TEX10: variants seen among roughly 807,000 people sequenced by gnomAD.
TEX10 encodes testis-expressed protein 10.
A neutral mutation model predicts 104.4 loss-of-function variants in TEX10; 24 were observed. That is an observed-to-expected ratio of 0.23 (90% confidence interval 0.17 to 0.32). TEX10 has a LOEUF of 0.32. Among genes scored for constraint, TEX10 ranks in the 10% least tolerant of loss-of-function variants. The pLI is 1.00. For missense variants in TEX10, 921 were observed against 1,083.9 expected, an observed-to-expected ratio of 0.85 and a Z score of 2.11; for synonymous variants, 396 against 393.4, an observed-to-expected ratio of 1.01 and a Z score of -0.08.
At chr9:100,342,010 C>A (rs1835186267) in intron 4 of TEX10, among the ~76,000 whole-genome samples, 2 of 152,208 alleles carry the variant, frequency 1.3e-5, no homozygotes, top group Non-Finnish European at 2.9e-5. Context: ...CCCACATGAT[C>A]TGGCCACTAT....
At chr9:100,315,442 A>G (rs1321710753) in intron 11 of TEX10, among the ~76,000 whole-genome samples, 1 of 152,138 alleles carries the variant, frequency 6.6e-6, no homozygotes, top group Non-Finnish European at 1.5e-5. Flanking sequence ...TGTTGGGTGC[A>G]TATATACTTA....
rs1216141343 is a variant in TEX10 at position 100,327,834 on chromosome 9, T to C, written c.1754A>G (p.Asn585Ser). 2 of 1,598,450 alleles carry C rather than the reference T, an allele frequency of 1.3e-6. No individual in the cohort carries two copies. The highest frequency in any genetic ancestry group is 2.2e-5 in the East Asian group (1 of 44,724). Residue 585 changes from asparagine (N) to serine (S), a missense_variant, in exon 8 of 15, where the codon AAT (asparagine) becomes AGT (serine). Coordinates refer to ENST00000374902, the MANE Select transcript of TEX10 (RefSeq NM_017746.4). ...DIIHTAAARA[N>S]KELLKSLQAT... ...TTGTAAACTTTTTAGTAATTCTTTATTTGCTCGTGCTGCAGCGGTATGAAT... is the reference window on the plus strand; with the variant it reads ...TTGTAAACTTTTTAGTAATTCTTTACTTGCTCGTGCTGCAGCGGTATGAAT...
chr9:100,330,750 T>A (rs1229308641), intron 5 of TEX10, among the ~76,000 whole-genome samples: 1 of 152,228 alleles, frequency 6.6e-6, no homozygotes, highest in African/African-American at 2.4e-5. Flanking sequence ...AAACAAAATT[T>A]GCAACTTAGA....
chr9:100,320,765 T>C (rs1157887955), intron 10 of TEX10, among the ~76,000 whole-genome samples: 1 of 152,238 alleles, frequency 6.6e-6, no homozygotes, highest in Non-Finnish European at 1.5e-5. Context: ...CCTACATATA[T>C]ATCAAATGCT....
chr9:100,329,727 G>A (rs1834805571), intron 6 of TEX10, among the ~76,000 whole-genome samples: 1 of 151,994 alleles, frequency 6.6e-6, no homozygotes, highest in African/African-American at 2.4e-5. Context: ...TTATCAATCT[G>A]CTTCAGAGTG....
chr9:100,332,544 G>A (rs750740657), intron 5 of TEX10, among the ~76,000 whole-genome samples: 1 of 152,136 alleles, frequency 6.6e-6, no homozygotes, highest in Admixed American at 6.5e-5. Context: ...AAAACAGGCC[G>A]GGCGCAGTGG....
intron 11 of TEX10, among the ~76,000 whole-genome samples, chr9:100,315,490 C>A (rs1834393521): frequency 6.6e-6 from 1 of 152,050 alleles, no homozygotes; most frequent in Non-Finnish European, 1.5e-5. Context: ...ATTGTTATAT[C>A]CTCTTGCTGA....
chr9:100,333,574 G>A (rs1455720099), intron 5 of TEX10, among the ~76,000 whole-genome samples: 1 of 149,822 alleles, frequency 6.7e-6, no homozygotes, highest in Non-Finnish European at 1.5e-5. Flanking sequence ...GGGAGGCTAA[G>A]GCGGGAGGAT....
At chr9:100,333,854 A>G (rs1834937708) in intron 5 of TEX10, among the ~76,000 whole-genome samples, 1 of 152,234 alleles carries the variant, frequency 6.6e-6, no homozygotes, top group Non-Finnish European at 1.5e-5. Context: ...AGCAAAGGAA[A>G]TTTAATGGAT....
intron 14 of TEX10, among the ~76,000 whole-genome samples, chr9:100,302,809 G>GA (rs1331270404): frequency 6.6e-6 from 1 of 151,978 alleles, no homozygotes; most frequent in African/African-American, 2.4e-5. Context: ...AAAGGCTACT[G>GA]AAAAAATACT....
Position 100,346,747 on chromosome 9 carries a change from C to A in TEX10, c.840G>T (p.Gln280His). ...GCTGTGAACCCCCATTTTCATAAACCTGGATGTGTTGCTGGTCGTTGGCAT... is the reference window on the plus strand; with the variant it reads ...GCTGTGAACCCCCATTTTCATAAACATGGATGTGTTGCTGGTCGTTGGCAT... ...KEHANDQQHI[Q>H]VYENGGSQPN... The change falls in exon 3 of 15, where the codon CAG becomes CAT. Residue 280 changes from glutamine to histidine, a missense_variant. Gln to His is a conservative substitution (Grantham distance 24). Coordinates refer to ENST00000374902, the MANE Select transcript of TEX10 (RefSeq NM_017746.4). The A allele has an allele frequency of 1.2e-6, 2 of 1,614,124 alleles. No homozygotes were observed. Among genetic ancestry groups the A allele is most frequent in the Non-Finnish European group, 1.7e-6 (2 of 1,179,990 alleles).
At chr9:100,345,745 C>T (rs1835284821) in intron 4 of TEX10, among the ~76,000 whole-genome samples, 1 of 152,110 alleles carries the variant, frequency 6.6e-6, no homozygotes, top group African/African-American at 2.4e-5. Context: ...TTGTAAGAGA[C>T]CTTTCAGAAA....
At chr9:100,311,484 T>A (rs10989051) in intron 11 of TEX10, among the ~76,000 whole-genome samples, 1 of 152,094 alleles carries the variant, frequency 6.6e-6, no homozygotes, top group Admixed American at 6.5e-5. Flanking sequence ...AGTGAGGGCA[T>A]ACTGTATTTC....
intron 11 of TEX10, among the ~76,000 whole-genome samples, 180 bp from the exon 12 acceptor site, chr9:100,310,559 T>C (rs1316543873): frequency 6.6e-6 from 1 of 151,798 alleles, no homozygotes; most frequent in Non-Finnish European, 1.5e-5. Context: ...GGCCTCAGCC[T>C]CCCCAGTAGC....
intron 11 of TEX10, among the ~76,000 whole-genome samples, chr9:100,313,541 A>G (rs1288922819): frequency 7.3e-5 from 11 of 151,402 alleles, no homozygotes; most frequent in South Asian, 2.1e-4. Flanking sequence ...AAAGAAAAAG[A>G]AAAAAATTTA....
At position 100,304,078 on chromosome 9, in the gene TEX10, ACTG is replaced by A. The variant is rs1564200407; in HGVS notation, c.2466-239_2466-237del. On this transcript the variant is annotated intron_variant, in intron 13 of 14. Transcript: ENST00000374902. Reference sequence around the variant, plus strand: ...ATCTCTACAAGAAAAACTACAGAACACTGCTGAGAGAAATCACAGATGACACAG... The same window carrying A: ...ATCTCTACAAGAAAAACTACAGAACACTGAGAGAAATCACAGATGACACAG... The A allele has an allele frequency of 2.9e-5, 16 of 544,080 alleles. No homozygotes were observed. In the South Asian group the frequency reaches 3.2e-4, roughly 11 times the overall value. The allele number at this position is 544,080 out of a possible 1,614,324, so 33.7% of individuals were successfully genotyped here. A position where few individuals can be genotyped will look rare whatever the true frequency, so the allele number is the denominator to read the frequency against.
Position 100,332,584 on chromosome 9 carries a change from G to A in TEX10, c.1251-2415C>T, listed in dbSNP as rs935224544. Among the ~76,000 whole-genome samples the A allele has an allele frequency of 2.6e-5, 4 of 152,198 alleles. No individual in the cohort carries two copies. The East Asian group carries it at 5.8e-4, about 22-fold the overall frequency. On this transcript the variant is annotated intron_variant, in intron 5 of 14. Transcript: ENST00000374902. Reference sequence around the variant, plus strand: ...CGCCTGTAATCCCAACACTCTGGGAGGCCGAGGTGGGCGGATCACGAGGTC... The same window carrying A: ...CGCCTGTAATCCCAACACTCTGGGAAGCCGAGGTGGGCGGATCACGAGGTC...
At chr9:100,324,900 A>G (rs1374106234) in intron 9 of TEX10, among the ~76,000 whole-genome samples, 2 of 152,176 alleles carry the variant, frequency 1.3e-5, no homozygotes, top group Non-Finnish European at 2.9e-5. Context: ...ACACAAAACA[A>G]AGTGCAGTTT....
rs12004561 is a variant in TEX10, at chr9:100,312,728, C to T, written c.2203-2349G>A. 5.2e-3 allele frequency among the ~76,000 whole-genome samples: 789 copies of T among 152,248 alleles called. 10 individuals are homozygous for T. The highest frequency in any genetic ancestry group is 0.018 in the African/African-American group (743 of 41,546). On this transcript the variant is annotated intron_variant, in intron 11 of 14. Transcript: ENST00000374902. ...AGAAAGTTACATGTGCTACCATAAC[C>T]GTATAGAAGCTGAGCTTTCCCTGAG...
Sources: gnomAD v4.1 joint callset for allele counts (sites outside exome capture counted in the v4.1 genomes callset) on GRCh38, gnomAD v4.1.1 for gene constraint, MANE v1.5 for transcripts, NCBI Gene and HGNC (gene_info 2026-07-23, HGNC 2026-07-21) for gene names.